Variants in BLK observed in about 807,000 individuals in gnomAD.
BLK encodes tyrosine-protein kinase Blk.
A neutral mutation model predicts 61.8 loss-of-function variants in BLK; 64 were observed. The observed-to-expected ratio is 1.03, with a 90% confidence interval of 0.85 to 1.27. The LOEUF (loss-of-function observed/expected upper bound fraction) is 1.27, where lower values mean the gene tolerates loss of function less well. BLK is among the 50% of genes most tolerant of loss of function. The pLI, the probability that BLK is intolerant of heterozygous loss-of-function variation, is 0.00. For synonymous variants in BLK, 351 were observed against 272.0 expected (o/e 1.29, Z -2.86); for missense variants, 853 against 660.5 (o/e 1.29, Z -3.19).
intron 10 of BLK, among the ~76,000 whole-genome samples, chr8:11,559,212 G>A (rs945596234): frequency 6.6e-6 from 1 of 152,106 alleles, no homozygotes; most frequent in Non-Finnish European, 1.5e-5. Context: ...GGGGTGAGGA[G>A]CCAGAAAATC....
Position 11,536,760 on chromosome 8 carries a change from T to C in BLK, c.-1-6464T>C, listed in dbSNP as rs536105885. On this transcript the variant is annotated intron_variant, in intron 1 of 12. Coordinates refer to ENST00000259089, the MANE Select transcript of BLK (RefSeq NM_001715.3). ...GGTTTCATAAAAAATAGTTTTCATC[T>C]AAAAAAATCTGTTGTAGCCATCCTT... Among the ~76,000 whole-genome samples the C allele has an allele frequency of 7.5e-4, 114 of 152,282 alleles. 1 individual carries two copies. The Middle Eastern group carries it at 0.01, about 14-fold the overall frequency.
intron 1 of BLK, among the ~76,000 whole-genome samples, chr8:11,531,715 C>G (rs4841550): frequency 0.54 from 81,403 of 151,990 alleles, 22,185 homozygotes; most frequent in East Asian, 0.74. Context: ...TAATTTCTCC[C>G]CAGTCACTGA....
chr8:11,498,128 TG>T (rs1207691766), intron 1 of BLK, among the ~76,000 whole-genome samples: 1 of 152,208 alleles, frequency 6.6e-6, no homozygotes, highest in Admixed American at 6.5e-5. Flanking sequence ...CTGGCCTTTT[TG>T]CACACTTTGG....
chr8:11,555,043 G>A (rs1043582205), intron 7 of BLK, among the ~76,000 whole-genome samples, 154 bp downstream of exon 7: 2 of 152,182 alleles, frequency 1.3e-5, no homozygotes, highest in Non-Finnish European at 2.9e-5. Flanking sequence ...TCTGAGCACC[G>A]GGAATTGGTG....
chr8:11,521,813 C>A (rs755425456), intron 1 of BLK, among the ~76,000 whole-genome samples: 56 of 152,198 alleles, frequency 3.7e-4, no homozygotes, highest in Non-Finnish European at 6.2e-4. Flanking sequence ...GTTCCATCTT[C>A]ATTACTGCAG....
chr8:11,496,107 A>G (rs1435791837), intron 1 of BLK, among the ~76,000 whole-genome samples: 5 of 152,154 alleles, frequency 3.3e-5, no homozygotes, highest in Admixed American at 6.5e-5. Flanking sequence ...TTGACCATCC[A>G]TCATTCTCTC....
At chr8:11,516,702 G>C (rs1396218842) in intron 1 of BLK, among the ~76,000 whole-genome samples, 1 of 152,178 alleles carries the variant, frequency 6.6e-6, no homozygotes, top group Non-Finnish European at 1.5e-5. Flanking sequence ...TTTGTGTCTG[G>C]CCAATTTCAC....
At chr8:11,512,282 C>T (rs994951514) in intron 1 of BLK, among the ~76,000 whole-genome samples, 1 of 152,202 alleles carries the variant, frequency 6.6e-6, no homozygotes, top group Non-Finnish European at 1.5e-5. Flanking sequence ...GAGGACACCA[C>T]AGAAAACTGT....
At chr8:11,505,983 C>G (rs561502885) in intron 1 of BLK, among the ~76,000 whole-genome samples, 1 of 152,232 alleles carries the variant, frequency 6.6e-6, no homozygotes, top group Non-Finnish European at 1.5e-5. Context: ...ATCTTCCTCT[C>G]GCCCTGCTCC....
At chr8:11,527,057 C>T (rs531689233) in intron 1 of BLK, among the ~76,000 whole-genome samples, 9 of 152,130 alleles carry the variant, frequency 5.9e-5, no homozygotes, top group Admixed American at 4.6e-4. Flanking sequence ...CGTTAGAGGA[C>T]GTCCTAGTGT....
In BLK at chr8:11,564,075, G is replaced by A. The variant is rs752948515; in HGVS notation, c.1485G>A (p.Thr495=). The change falls in exon 13 of 13, where the codon ACG becomes ACA. Residue 495 remains threonine, a synonymous_variant. Coordinates refer to ENST00000259089, the MANE Select transcript of BLK (RefSeq NM_001715.3). ...AGTCGGTGCTGGAGGACTTCTACAC[G>A]GCCACCGAGCGGCAGTACGAGCTGC... ...FLQSVLEDFY[T]ATERQYELQP The A allele has an allele frequency of 1.3e-6, 2 of 1,593,998 alleles. No individual in the cohort carries two copies. The highest frequency in any genetic ancestry group is 1.1e-5 in the South Asian group (1 of 89,606).
rs549327700 is a variant in BLK at position 11,548,233 on chromosome 8, A to G, written c.269+108A>G. Reference sequence around the variant, plus strand: ...ATGGCTGACCCTGGAAGTCTTCTCCATCGCCCTGCCCCCAGCCCTGGCCCC... The same window carrying G: ...ATGGCTGACCCTGGAAGTCTTCTCCGTCGCCCTGCCCCCAGCCCTGGCCCC... On this transcript the variant is annotated intron_variant, in intron 4 of 12. Transcript: ENST00000259089. The G allele has an allele frequency of 4.0e-4, 383 of 945,876 alleles. 2 individuals carry two copies. The highest frequency in any genetic ancestry group is 1.6e-3 in the Middle Eastern group (5 of 3,192). The allele number at this position is 945,876 out of a possible 1,614,324, so 58.6% of individuals were successfully genotyped here. A position where few individuals can be genotyped will look rare whatever the true frequency, so the allele number is the denominator to read the frequency against.
chr8:11,505,226 C>T (rs1026696590), intron 1 of BLK, among the ~76,000 whole-genome samples: 1 of 152,164 alleles, frequency 6.6e-6, no homozygotes, highest in Non-Finnish European at 1.5e-5. Flanking sequence ...TTTCCTAAAC[C>T]TCATCTATTT....
chr8:11,549,966 C>T (rs569654832), intron 5 of BLK, 193 bp from the exon 6 acceptor site: 10 of 644,614 alleles, frequency 1.6e-5, no homozygotes, highest in East Asian at 1.4e-4. Flanking sequence ...TGACAGGAAG[C>T]GGAACTGGAA....
At chr8:11,512,758 G>T (rs1368291504) in intron 1 of BLK, among the ~76,000 whole-genome samples, 1 of 152,156 alleles carries the variant, frequency 6.6e-6, no homozygotes, top group Non-Finnish European at 1.5e-5. Context: ...CCCCCTCCTG[G>T]GTTCAAGTGA....
intron 3 of BLK, among the ~76,000 whole-genome samples, chr8:11,547,366 T>A (rs1382097237): frequency 1.3e-5 from 2 of 152,224 alleles, no homozygotes; most frequent in African/African-American, 4.8e-5. Flanking sequence ...CAGGTGACCT[T>A]CATCAGGTGG....
chr8:11,562,946 G>T, intron 11 of BLK, 33 bp from the exon 12 acceptor site: 1 of 1,613,486 alleles, frequency 6.2e-7, no homozygotes, highest in Non-Finnish European at 8.5e-7. Flanking sequence ...CACCGGCCGT[G>T]GCCTCCCAAA....
intron 1 of BLK, among the ~76,000 whole-genome samples, chr8:11,541,681 A>G (rs1252089084): frequency 6.6e-6 from 1 of 152,144 alleles, no homozygotes; most frequent in African/African-American, 2.4e-5. Context: ...TATTTTTACT[A>G]GAGATGGAGA....
chr8:11,559,917 G>C (rs1801412081), intron 10 of BLK: 1 of 444,852 alleles, frequency 2.2e-6, no homozygotes, highest in Non-Finnish European at 4.5e-6. Flanking sequence ...AGCAGATCTG[G>C]GCAGCTTCTT....
Sources: allele counts gnomAD v4.1 joint callset (sites outside exome capture counted in the v4.1 genomes callset), GRCh38; gene constraint gnomAD v4.1.1; transcripts MANE v1.5; gene names NCBI Gene and HGNC (gene_info 2026-07-23, HGNC 2026-07-21).